Variants in POLA1 observed in about 807,000 individuals in gnomAD.
The protein encoded by POLA1 is DNA polymerase alpha 1, catalytic subunit.
A neutral mutation model predicts 124.0 loss-of-function variants in POLA1; 15 were observed. The ratio of observed to expected loss-of-function variants is 0.12; its 90% CI spans 0.08 to 0.19. POLA1 has a LOEUF of 0.19. Among genes scored for constraint, POLA1 ranks in the 10% least tolerant of loss-of-function variants. POLA1 has a pLI of 1.00. For missense variants in POLA1, 886 were observed against 1,103.4 expected, an observed-to-expected ratio of 0.80 and a Z score of 2.79; for synonymous variants, 408 against 389.4, an observed-to-expected ratio of 1.05 and a Z score of -0.56.
chrX:24,885,990 A>T (rs1263090159), intron 34 of POLA1, among the ~76,000 whole-genome samples: 1 of 112,410 alleles, frequency 8.9e-6, no homozygotes, highest in Non-Finnish European at 1.9e-5. Flanking sequence ...CTCTAAATCA[A>T]GAAGATGTTG....
At chrX:24,727,161 T>C (rs148686710) in intron 14 of POLA1, 90 bp downstream of exon 14, 23,667 of 759,702 alleles carry the variant, frequency 0.031, 303 homozygotes, top group Non-Finnish European at 0.039. Context: ...CTATTTATTT[T>C]AATGTGTCTA....
chrX:24,982,650 T>C (rs1437427828), intron 36 of POLA1, among the ~76,000 whole-genome samples: 1 of 111,282 alleles, frequency 9.0e-6, no homozygotes, highest in African/African-American at 3.3e-5. Flanking sequence ...TACTGTTTTC[T>C]TCTTTTTATC....
intron 36 of POLA1, among the ~76,000 whole-genome samples, chrX:24,951,503 C>T (rs2048043795): frequency 9.1e-6 from 1 of 109,869 alleles, no homozygotes; most frequent in Non-Finnish European, 1.9e-5. Context: ...TATCCAAACA[C>T]ACCATTTGTT....
At chrX:24,717,116 A>C (rs1238840199) in intron 8 of POLA1, 145 bp downstream of exon 8, 1 of 560,083 alleles carries the variant, frequency 1.8e-6, no homozygotes, top group African/African-American at 2.3e-5. Context: ...TAAAAATTTC[A>C]GTAAAAGTTA....
At chrX:24,881,936 G>A (rs899546429) in intron 34 of POLA1, among the ~76,000 whole-genome samples, 14 of 111,531 alleles carry the variant, frequency 1.3e-4, no homozygotes, top group African/African-American at 4.6e-4. Flanking sequence ...CAGGGGAGTG[G>A]GATGAGGTTG....
intron 36 of POLA1, among the ~76,000 whole-genome samples, chrX:24,952,461 G>C (rs2048059227): frequency 9.0e-6 from 1 of 111,478 alleles, no homozygotes. Context: ...ATCCTGAAAG[G>C]GTAGTGTCTC....
intron 35 of POLA1, among the ~76,000 whole-genome samples, chrX:24,919,925 C>T (rs1210937172): frequency 1.1e-5 from 1 of 94,932 alleles, no homozygotes; most frequent in African/African-American, 3.9e-5. Flanking sequence ...CAGCTCACTA[C>T]AGTCTCCACC....
At position 24,701,287 on chromosome X, in the gene POLA1, G is replaced by A. The variant is rs950018908; in HGVS notation, c.168+1738G>A. Among the ~76,000 whole-genome samples the A allele has an allele frequency of 5.4e-5, 6 of 111,212 alleles. No homozygotes were observed. The South Asian group carries it at 1.5e-3, about 28-fold the overall frequency. On this transcript the variant is annotated intron_variant, in intron 2 of 36. Coordinates refer to ENST00000379068, the MANE Select transcript of POLA1 (RefSeq NM_001330360.2). ...AAAAGGAGGTGAAAACTCAAATCCC[G>A]TAATTATTATAAGCCTTATAGGTGT...
At chrX:24,963,739 C>T (rs1322014502) in intron 36 of POLA1, among the ~76,000 whole-genome samples, 1 of 111,307 alleles carries the variant, frequency 9.0e-6, no homozygotes, top group Non-Finnish European at 1.9e-5. Flanking sequence ...TCATATAAGG[C>T]ATCTATAGAA....
chrX:24,738,366 G>A (rs1303741639), intron 19 of POLA1, among the ~76,000 whole-genome samples: 2 of 111,493 alleles, frequency 1.8e-5, no homozygotes, highest in Non-Finnish European at 3.8e-5. Flanking sequence ...AAGGTTGCAT[G>A]GTTCAGAAAT....
In POLA1 at chrX:24,932,782, G is replaced by A. The variant is rs182386753; in HGVS notation, c.4261+2233G>A. ...AATTTTACCAATTGAAACTCTTTGA[G>A]TTTCCTGCTGTTTATTTATTATTCC... On this transcript the variant is annotated intron_variant, in intron 36 of 36. Coordinates refer to ENST00000379068, the MANE Select transcript of POLA1 (RefSeq NM_001330360.2). Among the ~76,000 whole-genome samples the A allele has an allele frequency of 4.5e-5, 5 of 111,868 alleles. No homozygotes were observed. In the Admixed American group the frequency reaches 4.7e-4, roughly 11 times the overall value.
chrX:24,956,538 T>G (rs899551036), intron 36 of POLA1, among the ~76,000 whole-genome samples: 2 of 110,394 alleles, frequency 1.8e-5, no homozygotes, highest in African/African-American at 6.6e-5. Context: ...AAAGACTCCC[T>G]GACCAAAGAA....
intron 28 of POLA1, among the ~76,000 whole-genome samples, chrX:24,811,951 A>T (rs1174714336): frequency 8.9e-6 from 1 of 112,606 alleles, no homozygotes; most frequent in Non-Finnish European, 1.9e-5. Context: ...CTATGTTAAG[A>T]TGTTGTCCCC....
intron 32 of POLA1, among the ~76,000 whole-genome samples, chrX:24,835,135 C>T (rs1466770445): frequency 9.1e-6 from 1 of 109,320 alleles, no homozygotes; most frequent in East Asian, 2.9e-4. Context: ...ACAACCTCTG[C>T]CTCCCAGGTT....
chrX:24,826,723 T>A, intron 32 of POLA1, 122 bp downstream of exon 32: 1 of 458,903 alleles, frequency 2.2e-6, no homozygotes, highest in Non-Finnish European at 3.6e-6. Flanking sequence ...TGTTTATAGT[T>A]TAGAATGTAT....
chrX:24,753,580 C>T (rs1435905589), intron 26 of POLA1, among the ~76,000 whole-genome samples: 2 of 111,244 alleles, frequency 1.8e-5, no homozygotes, highest in African/African-American at 6.5e-5. Context: ...GTCTCCAACT[C>T]CTAGCCTCGA....
intron 15 of POLA1, among the ~76,000 whole-genome samples, chrX:24,729,494 T>G (rs1173734365): frequency 8.9e-6 from 1 of 112,154 alleles, no homozygotes. Context: ...ATTCTGTCCA[T>G]GGTTTTTAAA....
At chrX:24,748,600 T>G in intron 25 of POLA1, 140 bp downstream of exon 25, 1 of 554,561 alleles carries the variant, frequency 1.8e-6, no homozygotes, top group East Asian at 3.6e-5. Flanking sequence ...AATACTAGAG[T>G]GCCTCAGAAT....
intron 36 of POLA1, among the ~76,000 whole-genome samples, chrX:24,985,658 C>CT (rs2048472532): frequency 8.9e-6 from 1 of 112,363 alleles, no homozygotes; most frequent in African/African-American, 3.2e-5. Context: ...AAATCCAAGA[C>CT]TTTTTGAGCA....
Sources: allele counts gnomAD v4.1 joint callset (sites outside exome capture counted in the v4.1 genomes callset), GRCh38; gene constraint gnomAD v4.1.1; transcripts MANE v1.5; gene names NCBI Gene and HGNC (gene_info 2026-07-23, HGNC 2026-07-21).